PSEN2: variants seen among roughly 807,000 people sequenced by gnomAD.
The protein encoded by PSEN2 is presenilin-2.
A neutral mutation model predicts 49.1 loss-of-function variants in PSEN2; 32 were observed. The observed-to-expected ratio is 0.65, with a 90% CI of 0.49 to 0.88. The LOEUF is 0.88. Ranked by LOEUF, PSEN2 falls within the 40% of genes least tolerant of loss-of-function variation. The probability of loss-of-function intolerance (pLI) is 0.00; values close to 1 mark genes in which losing one functional copy is unlikely to be tolerated. For missense variants in PSEN2, 522 were observed against 586.9 expected, an observed-to-expected ratio of 0.89 and a Z score of 1.14; for synonymous variants, 255 against 244.0, an observed-to-expected ratio of 1.05 and a Z score of -0.42.
At chr1:226,884,142 C>T (rs960543119) in intron 5 of PSEN2, among the ~76,000 whole-genome samples, 3 of 152,150 alleles carry the variant, frequency 2.0e-5, no homozygotes, top group South Asian at 4.1e-4. Context: ...CTTCCTTGTT[C>T]GTATAATGGG....
chr1:226,883,803 C>T lies in PSEN2; in HGVS notation c.240C>T (p.Thr80=), dbSNP rs1571951341. The change falls in exon 5 of 13, where the codon ACC becomes ACT. Residue 80 remains threonine, a synonymous_variant. Transcript: ENST00000366783. ...CGCCAGGCCTGGAGGAAGAGCTGAC[C>T]CTCAAATACGGAGCGAAGCACGTGA... The part of the protein sequence containing the change: ...GRPPGLEEEL[T]LKYGAKHVIM... 1.2e-6 allele frequency: 2 copies of T among 1,614,150 alleles called. No homozygotes were observed. The highest frequency in any genetic ancestry group is 2.2e-5 in the East Asian group (1 of 44,878).
intron 7 of PSEN2, among the ~76,000 whole-genome samples, 155 bp from the exon 8 acceptor site, chr1:226,888,674 T>C (rs995760213): frequency 2.0e-5 from 3 of 152,198 alleles, no homozygotes; most frequent in African/African-American, 7.2e-5. Flanking sequence ...CCACCTTGTT[T>C]TAGAAAATGC....
chr1:226,903,066 G>A (rs527747892), intron 12 of PSEN2, among the ~76,000 whole-genome samples: 142 of 146,104 alleles, frequency 9.7e-4, no homozygotes, highest in Non-Finnish European at 1.4e-3. Context: ...TTTAAAAATT[G>A]TAATAACATT....
downstream of PSEN2, among the ~76,000 whole-genome samples, chr1:226,900,289 C>T (rs1662274539): frequency 6.6e-6 from 1 of 152,154 alleles, no homozygotes. Flanking sequence ...ACCGCTGCCA[C>T]CATTGGCTCT....
intron 4 of PSEN2, 98 bp downstream of exon 4, chr1:226,882,146 A>G (rs1571948438): frequency 6.7e-7 from 1 of 1,501,504 alleles, no homozygotes. Context: ...TGCGGGAGGG[A>G]GAAGGGAAGT....
In PSEN2 at chr1:226,894,127, T is replaced by A; in HGVS notation, c.1191+2T>A. On this transcript the variant is annotated splice_donor_variant, in intron 12 of 12. Coordinates refer to ENST00000366783, the MANE Select transcript of PSEN2 (RefSeq NM_000447.3). LOFTEE classifies it high-confidence loss of function. ...GCCTGCTTCGTGGCCATCCTCATTG[T>A]GAGTGGCTGGGGATGCGTCCAGCTG... is the stretch of plus-strand genomic sequence containing the variant. The A allele has an allele frequency of 6.2e-7, 1 of 1,612,818 alleles. No individual in the cohort carries two copies. Among genetic ancestry groups the A allele is most frequent in the Non-Finnish European group, 8.5e-7 (1 of 1,178,900 alleles).
At chr1:226,880,736 C>G (rs1340771972) in intron 3 of PSEN2, 1 of 1,611,568 alleles carries the variant, frequency 6.2e-7, no homozygotes, top group African/African-American at 1.3e-5. Context: ...TACACTGGGT[C>G]CCCCACTTGG....
At chr1:226,892,529 C>T (rs568379401) in intron 11 of PSEN2, among the ~76,000 whole-genome samples, 1 of 152,128 alleles carries the variant, frequency 6.6e-6, no homozygotes, top group Admixed American at 6.5e-5. Context: ...GCTGCACTGT[C>T]GTAACAGCCC....
intron 1 of PSEN2, chr1:226,870,994 G>A (rs940757050): frequency 2.0e-5 from 3 of 152,356 alleles, no homozygotes; most frequent in African/African-American, 7.2e-5. Context: ...GGGTGGGCGC[G>A]GCGCGAGCGG....
intron 2 of PSEN2, among the ~76,000 whole-genome samples, chr1:226,872,814 CG>C (rs1350335856): frequency 6.6e-6 from 1 of 152,096 alleles, no homozygotes; most frequent in Non-Finnish European, 1.5e-5. Context: ...TGAGAGGCCC[CG>C]AGAGGAACAT....
downstream of PSEN2, among the ~76,000 whole-genome samples, chr1:226,900,494 C>T (rs1002354395): frequency 3.3e-5 from 5 of 152,130 alleles, no homozygotes; most frequent in African/African-American, 9.7e-5. Flanking sequence ...TTATGTGAGT[C>T]GAATGGGGCG....
intron 3 of PSEN2, among the ~76,000 whole-genome samples, chr1:226,876,591 A>G (rs1182785641): frequency 5.9e-5 from 9 of 152,244 alleles, no homozygotes; most frequent in Admixed American, 5.9e-4. Flanking sequence ...TGGTTCTACC[A>G]TGCAAAGATA....
At chr1:226,891,943 GGAGGGGCCCCTTTTCCCATCA>G in intron 11 of PSEN2, 99 bp downstream of exon 11, 1 of 1,124,546 alleles carries the variant, frequency 8.9e-7, no homozygotes, top group South Asian at 1.3e-5. Flanking sequence ...GGGCATGAGG[GGAGGGGCCCCTTTTCCCATCA>G]GAGGCATCTC....
At chr1:226,889,787 G>T (rs750058258) in intron 8 of PSEN2, among the ~76,000 whole-genome samples, 1 of 152,184 alleles carries the variant, frequency 6.6e-6, no homozygotes, top group Non-Finnish European at 1.5e-5. Context: ...AGAGAAGTGG[G>T]ACTCCCCAGC....
intron 11 of PSEN2, among the ~76,000 whole-genome samples, chr1:226,893,296 A>T (rs1180644104): frequency 6.6e-6 from 1 of 152,218 alleles, no homozygotes; most frequent in East Asian, 1.9e-4. Context: ...TGAAGAAGTA[A>T]TGCTGATGGA....
rs187488467 is a variant in PSEN2, at chr1:226,888,718, G to A, written c.567-111G>A. ...GTAAATTGTAAGGACAGTGAAGGTCGGGGAAGGAAATGTTAGTAAAGAGGG... is the reference window on the plus strand; with the variant it reads ...GTAAATTGTAAGGACAGTGAAGGTCAGGGAAGGAAATGTTAGTAAAGAGGG... On this transcript the variant is annotated intron_variant, in intron 7 of 12. Coordinates refer to ENST00000366783, the MANE Select transcript of PSEN2 (RefSeq NM_000447.3). The A allele has an allele frequency of 4.2e-4, 394 of 927,646 alleles. 2 individuals carry two copies. The highest frequency in any genetic ancestry group is 1.4e-3 in the East Asian group (56 of 40,666). 57.5% of individuals were successfully genotyped at this position (927,646 alleles called of 1,614,324 possible).
At chr1:226,873,003 C>T (rs916723038) in intron 2 of PSEN2, among the ~76,000 whole-genome samples, 3 of 152,158 alleles carry the variant, frequency 2.0e-5, no homozygotes, top group Non-Finnish European at 4.4e-5. Context: ...CATGGAGAAA[C>T]CCCATCTTTA....
In PSEN2 at chr1:226,902,243, C is replaced by T. The variant is rs6695133; in HGVS notation, c.1192-6279C>T. Among the ~76,000 whole-genome samples the T allele has an allele frequency of 1.7e-3, 260 of 152,280 alleles. 2 individuals carry two copies. Among genetic ancestry groups the T allele is most frequent in the African/African-American group, 6.0e-3 (251 of 41,548 alleles). Reference sequence around the variant, plus strand: ...TGGGGTTCGAGGTCCTATGAGAATCCGATGCCACTGATTTGACAGGAGGCG... The same window carrying T: ...TGGGGTTCGAGGTCCTATGAGAATCTGATGCCACTGATTTGACAGGAGGCG... On this transcript the variant is annotated intron_variant, in intron 12 of 14. Transcript: ENST00000676945.
At chr1:226,888,416 CTG>C (rs1229723517) in intron 7 of PSEN2, among the ~76,000 whole-genome samples, 2 of 152,186 alleles carry the variant, frequency 1.3e-5, no homozygotes, top group Non-Finnish European at 2.9e-5. Flanking sequence ...AGAAGGCTCT[CTG>C]TGAACCCCAG....
Sources: gnomAD v4.1 joint callset for allele counts (sites outside exome capture counted in the v4.1 genomes callset) on GRCh38, gnomAD v4.1.1 for gene constraint, MANE v1.5 for transcripts, NCBI Gene and HGNC (gene_info 2026-07-23, HGNC 2026-07-21) for gene names.